NKAIN2: variants seen among roughly 807,000 people sequenced by gnomAD.
NKAIN2 encodes sodium/potassium-transporting ATPase subunit beta-1-interacting protein 2.
In NKAIN2, 14 loss-of-function variants were observed where a neutral mutation model predicts 32.6. The observed-to-expected ratio is 0.43, with a 90% confidence interval of 0.28 to 0.67. NKAIN2 has a LOEUF of 0.67. Ranked by LOEUF, NKAIN2 falls within the 30% of genes least tolerant of loss-of-function variation. The pLI is 0.17. For synonymous variants in NKAIN2, 80 were observed against 87.2 expected (o/e 0.92, Z 0.46); for missense variants, 198 against 258.3 (o/e 0.77, Z 1.60).
chr6:124,502,850 A>C (rs561450783), intron 3 of NKAIN2, among the ~76,000 whole-genome samples: 11 of 151,900 alleles, frequency 7.2e-5, no homozygotes, highest in African/African-American at 2.7e-4. Context: ...GTGTGTCATC[A>C]CTCTTTCTAT....
chr6:124,486,648 A>G (rs538585891), intron 3 of NKAIN2, among the ~76,000 whole-genome samples: 1 of 152,302 alleles, frequency 6.6e-6, no homozygotes, highest in African/African-American at 2.4e-5. Context: ...TACAATCAGT[A>G]AGTTTCTGTT....
intron 3 of NKAIN2, among the ~76,000 whole-genome samples, chr6:124,604,110 C>T (rs1193095163): frequency 6.6e-6 from 1 of 151,982 alleles, no homozygotes; most frequent in Non-Finnish European, 1.5e-5. Context: ...AGCAGTGTTT[C>T]TTGAAGCTCT....
intron 2 of NKAIN2, among the ~76,000 whole-genome samples, chr6:124,290,140 A>G (rs1795735220): frequency 6.6e-6 from 1 of 152,152 alleles, no homozygotes; most frequent in Non-Finnish European, 1.5e-5. Flanking sequence ...AATGCAATTT[A>G]TTCTCAAAAG....
At chr6:124,506,373 C>A (rs1347641900) in intron 3 of NKAIN2, among the ~76,000 whole-genome samples, 1 of 152,154 alleles carries the variant, frequency 6.6e-6, no homozygotes, top group African/African-American at 2.4e-5. Flanking sequence ...TGAAGCATTG[C>A]TGTTCAGAGT....
chr6:123,942,814 A>G (rs1421016402), intron 1 of NKAIN2, among the ~76,000 whole-genome samples: 1 of 152,032 alleles, frequency 6.6e-6, no homozygotes, highest in Admixed American at 6.6e-5. Context: ...TAGCTTCACA[A>G]CAGTTGGCAT....
chr6:124,085,493 C>T (rs1239965531), intron 1 of NKAIN2, among the ~76,000 whole-genome samples: 4 of 151,004 alleles, frequency 2.6e-5, no homozygotes, highest in South Asian at 4.2e-4. Context: ...AGTTAGACTT[C>T]GGCTCAAATC....
chr6:124,239,056 G>A (rs1792933869), intron 1 of NKAIN2, among the ~76,000 whole-genome samples: 2 of 151,996 alleles, frequency 1.3e-5, no homozygotes, highest in African/African-American at 4.8e-5. Flanking sequence ...CAAAATAAAG[G>A]GATGGAGGAA....
chr6:124,185,514 T>A (rs1180732723), intron 1 of NKAIN2, among the ~76,000 whole-genome samples: 2 of 152,194 alleles, frequency 1.3e-5, no homozygotes, highest in South Asian at 4.1e-4. Flanking sequence ...GTGTCTACTG[T>A]CTTTCTCTTT....
At chr6:124,411,151 C>T (rs1481848109) in intron 3 of NKAIN2, among the ~76,000 whole-genome samples, 2 of 151,960 alleles carry the variant, frequency 1.3e-5, no homozygotes, top group Non-Finnish European at 2.9e-5. Context: ...CCAGTCTGTG[C>T]CTTTTAATTG....
intron 1 of NKAIN2, among the ~76,000 whole-genome samples, chr6:124,226,481 A>G (rs1328720577): frequency 6.6e-6 from 1 of 152,022 alleles, no homozygotes; most frequent in Admixed American, 6.6e-5. Context: ...TAACATTTCT[A>G]TTGTTGAATC....
intron 3 of NKAIN2, among the ~76,000 whole-genome samples, chr6:124,603,344 T>G (rs138113324): frequency 3.4e-4 from 52 of 152,046 alleles, no homozygotes; most frequent in African/African-American, 1.2e-3. Flanking sequence ...TTGAAATGGT[T>G]TTGTTGATAT....
chr6:124,639,846 T>A (rs1422154750), intron 3 of NKAIN2, among the ~76,000 whole-genome samples: 1 of 151,776 alleles, frequency 6.6e-6, no homozygotes, highest in Non-Finnish European at 1.5e-5. Flanking sequence ...GAGAGAAGGA[T>A]AGGGAGAGGT....
chr6:124,229,521 T>G (rs537865600), intron 1 of NKAIN2, among the ~76,000 whole-genome samples: 1 of 149,326 alleles, frequency 6.7e-6, no homozygotes, highest in South Asian at 2.1e-4. Context: ...GATAGATAGA[T>G]AGATAGATAG....
intron 2 of NKAIN2, among the ~76,000 whole-genome samples, chr6:124,328,728 G>A (rs1018098119): frequency 1.3e-5 from 2 of 152,126 alleles, no homozygotes; most frequent in Admixed American, 6.5e-5. Context: ...TGGTAAGCAG[G>A]CGTTTGTACT....
intron 1 of NKAIN2, among the ~76,000 whole-genome samples, chr6:123,891,801 T>C (rs571998495): frequency 2.0e-5 from 3 of 152,354 alleles, no homozygotes; most frequent in African/African-American, 4.8e-5. Flanking sequence ...TAATGCCAAA[T>C]TTCTATTTCT....
intron 1 of NKAIN2, among the ~76,000 whole-genome samples, chr6:124,061,462 G>A (rs1411787587): frequency 1.3e-5 from 2 of 152,066 alleles, no homozygotes; most frequent in East Asian, 1.9e-4. Flanking sequence ...GACAATGCAT[G>A]TGATTCTGTA....
chr6:124,535,390 T>C (rs1290351927), intron 3 of NKAIN2, among the ~76,000 whole-genome samples: 1 of 152,240 alleles, frequency 6.6e-6, no homozygotes, highest in Non-Finnish European at 1.5e-5. Context: ...TTATTTGTAG[T>C]CTGGCACTCA....
intron 1 of NKAIN2, among the ~76,000 whole-genome samples, chr6:124,154,605 A>G (rs1157048767): frequency 6.6e-6 from 1 of 151,982 alleles, no homozygotes; most frequent in Non-Finnish European, 1.5e-5. Flanking sequence ...CTTTAAATGA[A>G]AATCGTATAT....
At chr6:124,120,381 A>T (rs1025090445) in intron 1 of NKAIN2, among the ~76,000 whole-genome samples, 22 of 152,180 alleles carry the variant, frequency 1.4e-4, no homozygotes, top group African/African-American at 4.8e-4. Context: ...ACTTTATAAC[A>T]TTAGTGGATA....
Sources: gnomAD v4.1 joint callset for allele counts (sites outside exome capture counted in the v4.1 genomes callset) on GRCh38, gnomAD v4.1.1 for gene constraint, MANE v1.5 for transcripts, NCBI Gene and HGNC (gene_info 2026-07-23, HGNC 2026-07-21) for gene names.